APBB2: variants seen among roughly 807,000 people sequenced by gnomAD.
APBB2 encodes the protein Fe65-like 1.
Under a neutral mutation model 82.5 loss-of-function variants are expected in APBB2, and 38 were observed. The ratio of observed to expected loss-of-function variants is 0.46; its 90% CI spans 0.36 to 0.60. The LOEUF (loss-of-function observed/expected upper bound fraction) is 0.60, where lower values mean the gene tolerates loss of function less well. Among genes scored for constraint, APBB2 ranks in the 20% least tolerant of loss-of-function variants. APBB2 has a pLI of 0.00. For missense variants in APBB2, 772 were observed against 972.3 expected (o/e 0.79, Z 2.74); for synonymous variants, 341 against 368.2 (o/e 0.93, Z 0.85).
chr4:40,909,528 G>T (rs1777984117), intron 10 of APBB2, among the ~76,000 whole-genome samples: 1 of 152,130 alleles, frequency 6.6e-6, no homozygotes, highest in Admixed American at 6.5e-5. Flanking sequence ...ACAGTTAATT[G>T]CATTAGTCAT....
At chr4:41,191,619 T>C (rs1165117735) in intron 1 of APBB2, among the ~76,000 whole-genome samples, 9 of 151,922 alleles carry the variant, frequency 5.9e-5, no homozygotes, top group African/African-American at 2.2e-4. Flanking sequence ...AAAAATCAAC[T>C]CAAAATGGAT....
rs773430340 is a variant in APBB2 at position 41,013,640 on chromosome 4, ACTC to A, written c.775_777del (p.Glu259del). ...TCTTGGGACAACGTTGTCCAGCTGG[ACTC>A]CTCATCGCTCGGTGCCAGGTTCTGG... On this transcript the variant is annotated inframe_deletion, in exon 6 of 18. Coordinates refer to ENST00000508593, the MANE Select transcript of APBB2 (RefSeq NM_004307.2). 3 of 1,613,882 alleles carry A rather than the reference ACTC, an allele frequency of 1.9e-6. No homozygotes were observed. Among genetic ancestry groups the A allele is most frequent in the Admixed American group, 1.7e-5 (1 of 60,004 alleles).
chr4:41,000,057 A>T (rs1306363421), intron 6 of APBB2, among the ~76,000 whole-genome samples: 1 of 86,264 alleles, frequency 1.2e-5, no homozygotes, highest in Non-Finnish European at 2.5e-5. Flanking sequence ...GTATATGTAT[A>T]TATATGTGTG....
At chr4:41,196,599 CTTTTTTTTT>C in intron 1 of APBB2, among the ~76,000 whole-genome samples, 44 of 100,326 alleles carry the variant, frequency 4.4e-4, no homozygotes, top group Non-Finnish European at 3.7e-4. Flanking sequence ...AAGCCCCCTG[CTTTTTTTTT>C]TTTTTTTTTT....
At chr4:40,861,650 CA>C (rs1368317567) in intron 12 of APBB2, among the ~76,000 whole-genome samples, 1 of 152,188 alleles carries the variant, frequency 6.6e-6, no homozygotes, top group Non-Finnish European at 1.5e-5. Context: ...AAAAGGTACA[CA>C]AACGGTGTTT....
intron 12 of APBB2, among the ~76,000 whole-genome samples, chr4:40,872,619 G>C (rs903333048): frequency 9.9e-5 from 15 of 152,106 alleles, no homozygotes; most frequent in African/African-American, 3.4e-4. Flanking sequence ...TCCCCAGAAA[G>C]CTAGATGGGA....
chr4:40,890,326 G>A (rs376948939), intron 12 of APBB2, 38 bp downstream of exon 12: 25 of 1,597,264 alleles, frequency 1.6e-5, no homozygotes, highest in East Asian at 2.3e-5. Flanking sequence ...CCAGGGACAC[G>A]GGTGAGGTGA....
intron 12 of APBB2, among the ~76,000 whole-genome samples, chr4:40,889,468 G>C (rs375820032): frequency 6.6e-5 from 10 of 152,156 alleles, no homozygotes; most frequent in Admixed American, 6.5e-5. Flanking sequence ...CTCTGTTGTC[G>C]GGGATTTTTA....
At chr4:41,048,861 G>A (rs1436915548) in intron 4 of APBB2, among the ~76,000 whole-genome samples, 1 of 152,192 alleles carries the variant, frequency 6.6e-6, no homozygotes, top group Admixed American at 6.5e-5. Flanking sequence ...TTTTGGTGGA[G>A]ACAGGGTTTC....
At chr4:41,161,607 A>G (rs1332645019) in intron 1 of APBB2, among the ~76,000 whole-genome samples, 1 of 152,158 alleles carries the variant, frequency 6.6e-6, no homozygotes, top group Non-Finnish European at 1.5e-5. Context: ...CCCCATCTCT[A>G]AAAAGATAAA....
intron 12 of APBB2, among the ~76,000 whole-genome samples, chr4:40,847,438 G>C (rs995040988): frequency 2.6e-5 from 4 of 152,154 alleles, no homozygotes; most frequent in African/African-American, 9.7e-5. Flanking sequence ...CTCCTGCCTG[G>C]GTGACAGAGC....
rs966193664 is a variant in APBB2 at position 40,931,471 on chromosome 4, A to G, written c.1254+2985T>C. On this transcript the variant is annotated intron_variant, in intron 10 of 17. Transcript: ENST00000508593. The stretch of plus-strand genomic sequence containing the variant: ...TTTTTTGTAGCGACAAGGTCTTGCT[A>G]TGTTGCTAGGCTGGTCTCAAACTCC... Among the ~76,000 whole-genome samples, 5 of 152,132 alleles carry G rather than the reference A, an allele frequency of 3.3e-5. 1 individual carries two copies. The highest frequency in any genetic ancestry group is 1.2e-4 in the African/African-American group (5 of 41,424).
intron 2 of APBB2, among the ~76,000 whole-genome samples, chr4:41,118,360 G>C (rs1751753310): frequency 1.3e-5 from 2 of 152,294 alleles, no homozygotes; most frequent in South Asian, 4.1e-4. Flanking sequence ...AATGAGTTCT[G>C]TGTCTTGACT....
chr4:40,985,531 C>T (rs997370658), intron 6 of APBB2, among the ~76,000 whole-genome samples: 1 of 152,078 alleles, frequency 6.6e-6, no homozygotes. Context: ...GAAGACAAGT[C>T]TTTTCACGTT....
At chr4:41,160,708 T>C (rs924801735) in intron 1 of APBB2, among the ~76,000 whole-genome samples, 3 of 152,142 alleles carry the variant, frequency 2.0e-5, no homozygotes, top group Non-Finnish European at 4.4e-5. Context: ...CTCTCCAATA[T>C]ACTTCTAGCT....
chr4:40,830,550 T>A lies in APBB2; in HGVS notation c.1557A>T (p.Lys519Asn). Residue 519 changes from lysine to asparagine, a missense_variant, in exon 13 of 18, where the codon AAA becomes AAT. By Grantham distance (94) the Lys-to-Asn change is moderately conservative. Coordinates refer to ENST00000508593, the MANE Select transcript of APBB2 (RefSeq NM_004307.2). ...CATGACATTTCAAAATTCTTGTATC[T>A]TTATCTCTTGCTACATAAGCAAAAT... is the stretch of plus-strand genomic sequence containing the variant. ...GRDFAYVARD[K>N]DTRILKCHVF... 1 of 1,613,962 alleles carries A rather than the reference T, an allele frequency of 6.2e-7. No homozygotes were observed. Among genetic ancestry groups the A allele is most frequent in the Non-Finnish European group, 8.5e-7 (1 of 1,179,822 alleles).
chr4:40,970,249 G>GAACCACTAATTACTCC (rs1560415260), intron 6 of APBB2, among the ~76,000 whole-genome samples: 1 of 152,126 alleles, frequency 6.6e-6, no homozygotes, highest in Non-Finnish European at 1.5e-5. Flanking sequence ...GATTATATGG[G>GAACCACTAATTACTCC]AACCACTAAT....
chr4:40,912,578 T>TAAAAA (rs35548187), intron 10 of APBB2, among the ~76,000 whole-genome samples: 4 of 124,924 alleles, frequency 3.2e-5, no homozygotes, highest in African/African-American at 5.9e-5. Context: ...TTCCTTCTCA[T>TAAAAA]AAAAAAAAAA....
chr4:40,881,132 CA>C (rs1316318410), intron 12 of APBB2: 36 of 985,280 alleles, frequency 3.7e-5, no homozygotes, highest in Non-Finnish European at 4.3e-5. Flanking sequence ...TGTAAGTCAG[CA>C]AAACGGTCAA....
Sources: gnomAD v4.1 joint callset for allele counts (sites outside exome capture counted in the v4.1 genomes callset) on GRCh38, gnomAD v4.1.1 for gene constraint, MANE v1.5 for transcripts, NCBI Gene and HGNC (gene_info 2026-07-23, HGNC 2026-07-21) for gene names.